Variants in CREBRF observed in about 807,000 individuals in gnomAD.
The protein encoded by CREBRF is UPF0474 protein C5orf41.
Under a neutral mutation model 66.1 loss-of-function variants are expected in CREBRF, and 5 were observed. The observed-to-expected ratio is 0.08, with a 90% CI of 0.04 to 0.16. The LOEUF (loss-of-function observed/expected upper bound fraction) is 0.16, where lower values mean the gene tolerates loss of function less well. Ranked by LOEUF, CREBRF falls within the 10% of genes least tolerant of loss-of-function variation. The pLI, the probability that CREBRF is intolerant of heterozygous loss-of-function variation, is 1.00. For synonymous variants in CREBRF, 229 were observed against 264.4 expected (o/e 0.87, Z 1.30); for missense variants, 531 against 744.9 (o/e 0.71, Z 3.34).
intron 1 of CREBRF, chr5:173,068,019 T>G: frequency 3.0e-6 from 1 of 335,404 alleles, no homozygotes; most frequent in Non-Finnish European, 6.0e-6. Flanking sequence ...AAATCTTCAG[T>G]TAATTTTGTC....
chr5:173,085,751 G>A, intron 2 of CREBRF: 4 of 772,242 alleles, frequency 5.2e-6, no homozygotes, highest in Admixed American at 3.4e-5. Flanking sequence ...CTGTGTGAGT[G>A]TAGAACACTC....
intron 1 of CREBRF, chr5:173,060,182 G>T (rs1044472598): frequency 1.3e-5 from 2 of 150,884 alleles, no homozygotes; most frequent in Non-Finnish European, 2.9e-5. Flanking sequence ...TTAATTTTCA[G>T]TCAAGATCGG....
At chr5:173,085,748 A>G (rs1485099754) in intron 2 of CREBRF, 1 of 769,266 alleles carries the variant, frequency 1.3e-6, no homozygotes, top group Admixed American at 1.7e-5. Context: ...TTTCTGTGTG[A>G]GTGTAGAACA....
chr5:173,113,635 T>C (rs1444605047), intron 7 of CREBRF, among the ~76,000 whole-genome samples: 1 of 152,232 alleles, frequency 6.6e-6, no homozygotes, highest in Non-Finnish European at 1.5e-5. Context: ...GGAACCATTC[T>C]AGCACTTATT....
chr5:173,124,579 GAAAA>G (rs1561581530), intron 8 of CREBRF: 2 of 137,730 alleles, frequency 1.5e-5, no homozygotes, highest in Non-Finnish European at 3.1e-5. Flanking sequence ...AAAAAAAAAA[GAAAA>G]AAGAAAAGCC....
chr5:173,087,808 CA>C (rs146342283), intron 3 of CREBRF, among the ~76,000 whole-genome samples: 64 of 152,110 alleles, frequency 4.2e-4, no homozygotes, highest in African/African-American at 1.5e-3. Flanking sequence ...TTGATTTAAA[CA>C]TTGCTTTTAT....
At chr5:173,133,484 G>A in intron 8 of CREBRF, 146 bp from the exon 9 acceptor site, 1 of 496,010 alleles carries the variant, frequency 2.0e-6, no homozygotes, top group Non-Finnish European at 3.6e-6. Flanking sequence ...TGTTTTCTGA[G>A]CTGCAATAAC....
intron 5 of CREBRF, chr5:173,109,958 AGT>A: frequency 6.1e-6 from 1 of 163,438 alleles, no homozygotes; most frequent in Non-Finnish European, 1.3e-5. Flanking sequence ...TTTTGCCTGG[AGT>A]GATAGACCAA....
chr5:173,073,114 A>G lies in CREBRF; in HGVS notation c.-191-7471A>G, dbSNP rs150154642. The stretch of plus-strand genomic sequence containing the variant: ...CTCAGATGATAGAGCTCACGCATGC[A>G]CATGTTTAGGTTCAAAATGTAGATT... On this transcript the variant is annotated intron_variant, in intron 1 of 8. Coordinates refer to ENST00000296953, the MANE Select transcript of CREBRF (RefSeq NM_153607.3). Among the ~76,000 whole-genome samples, 282 of 152,366 alleles carry G rather than the reference A, an allele frequency of 1.9e-3. 3 individuals are homozygous for G. The highest frequency in any genetic ancestry group is 6.5e-3 in the African/African-American group (271 of 41,590).
In CREBRF at chr5:173,115,055, C is replaced by G. The variant is rs968566286; in HGVS notation, c.1681+2676C>G. On this transcript the variant is annotated intron_variant, in intron 7 of 8. Coordinates refer to ENST00000296953, the MANE Select transcript of CREBRF (RefSeq NM_153607.3). ...CTGTCAAGGCTTGAGAAGAACTATT[C>G]TGCTCAGTTTTACTTTAGATTTTAT... Among the ~76,000 whole-genome samples, 3 of 152,034 alleles carry G rather than the reference C, an allele frequency of 2.0e-5. No individual in the cohort carries two copies. The South Asian group carries it at 6.3e-4, about 32-fold the overall frequency.
chr5:173,127,633 T>G (rs1331862599), intron 8 of CREBRF, among the ~76,000 whole-genome samples: 1 of 151,918 alleles, frequency 6.6e-6, no homozygotes, highest in Admixed American at 6.6e-5. Context: ...CTAATTTTTG[T>G]ATTTTTAGTA....
chr5:173,115,024 T>C (rs1758953057), intron 7 of CREBRF, among the ~76,000 whole-genome samples: 1 of 152,190 alleles, frequency 6.6e-6, no homozygotes, highest in South Asian at 2.1e-4. Flanking sequence ...GTAATGTGTT[T>C]GGACACTGTC....
intron 1 of CREBRF, among the ~76,000 whole-genome samples, chr5:173,059,427 G>C (rs900787733): frequency 6.6e-6 from 1 of 151,592 alleles, no homozygotes; most frequent in Non-Finnish European, 1.5e-5. Context: ...ACCACGCCCG[G>C]CTAATTTTGT....
intron 1 of CREBRF, among the ~76,000 whole-genome samples, chr5:173,066,578 T>C (rs750014783): frequency 1.3e-5 from 2 of 152,196 alleles, no homozygotes; most frequent in African/African-American, 4.8e-5. Flanking sequence ...CTAACCACTG[T>C]TATATCTCTA....
intron 8 of CREBRF, among the ~76,000 whole-genome samples, chr5:173,127,162 C>CT (rs70984944): frequency 1.9e-3 from 214 of 114,724 alleles, no homozygotes; most frequent in Middle Eastern, 9.3e-3. Flanking sequence ...GTTTCTTTTT[C>CT]TTTTTTTTTT....
At chr5:173,061,425 T>C (rs1183252382) in intron 1 of CREBRF, among the ~76,000 whole-genome samples, 1 of 152,250 alleles carries the variant, frequency 6.6e-6, no homozygotes, top group Non-Finnish European at 1.5e-5. Context: ...TATTTTTCCT[T>C]CGTTTACATA....
At chr5:173,065,627 G>A (rs541999379) in intron 1 of CREBRF, among the ~76,000 whole-genome samples, 1 of 137,500 alleles carries the variant, frequency 7.3e-6, no homozygotes, top group Admixed American at 7.5e-5. Flanking sequence ...ATTCCCTTTG[G>A]GTTATATTTC....
chr5:173,081,381 C>T (rs1413540148), intron 2 of CREBRF, among the ~76,000 whole-genome samples: 1 of 152,178 alleles, frequency 6.6e-6, no homozygotes, highest in African/African-American at 2.4e-5. Flanking sequence ...CCCTGTTAGT[C>T]CCCATTCTGC....
chr5:173,122,559 T>C (rs1759161521), intron 7 of CREBRF, among the ~76,000 whole-genome samples: 1 of 143,004 alleles, frequency 7.0e-6, no homozygotes, highest in Non-Finnish European at 1.5e-5. Context: ...TGGTGTCATC[T>C]ATTATTTCTT....
Sources: gnomAD v4.1 joint callset for allele counts (sites outside exome capture counted in the v4.1 genomes callset) on GRCh38, gnomAD v4.1.1 for gene constraint, MANE v1.5 for transcripts, NCBI Gene and HGNC (gene_info 2026-07-23, HGNC 2026-07-21) for gene names.